The following GLT8D2 variants were observed in gnomAD, a reference collection of about 807,000 sequenced individuals.
The protein encoded by GLT8D2 is glycosyltransferase 8 domain containing 2.
GLT8D2 carries 45 observed loss-of-function variants against 44.5 expected under a neutral mutation model. The observed-to-expected ratio is 1.01, with a 90% confidence interval of 0.80 to 1.30. The LOEUF (loss-of-function observed/expected upper bound fraction) is 1.30. GLT8D2 is among the 50% of genes most tolerant of loss of function. The pLI is 0.00. For missense variants in GLT8D2, 400 were observed against 430.4 expected (o/e 0.93, Z 0.62); for synonymous variants, 156 against 157.2 (o/e 0.99, Z 0.06).
At chr12:104,027,585 T>C (rs948102277) in intron 1 of GLT8D2, among the ~76,000 whole-genome samples, 1 of 152,250 alleles carries the variant, frequency 6.6e-6, no homozygotes, top group Non-Finnish European at 1.5e-5. Flanking sequence ...TGTGTGAATA[T>C]GGGGAGCAGT....
rs145750852 is a variant in GLT8D2 at position 104,011,897 on chromosome 12, C to T, written c.112+3116G>A. Among the ~76,000 whole-genome samples the T allele has an allele frequency of 7.4e-4, 112 of 151,978 alleles. 1 individual carries two copies. The East Asian group carries it at 0.019, about 25-fold the overall frequency. On this transcript the variant is annotated intron_variant, in intron 4 of 10. Transcript: ENST00000360814. ...CTAAAGAATATATACCTGGGCCGGG[C>T]GCAGTGGCTCACATCTGTAATCCCA...
upstream of GLT8D2, among the ~76,000 whole-genome samples, chr12:104,052,423 G>C (rs1054126026): frequency 1.3e-5 from 2 of 152,178 alleles, no homozygotes; most frequent in South Asian, 2.1e-4. Flanking sequence ...CTGAGGCTTT[G>C]AGCAAATTAA....
At chr12:104,028,258 A>G (rs1282663083) in intron 1 of GLT8D2, among the ~76,000 whole-genome samples, 3 of 152,158 alleles carry the variant, frequency 2.0e-5, no homozygotes, top group Non-Finnish European at 2.9e-5. Context: ...GTTTCAACAG[A>G]AAGTTTGCTT....
At chr12:103,991,163 C>T (rs761555899) in intron 10 of GLT8D2, among the ~76,000 whole-genome samples, 1 of 152,158 alleles carries the variant, frequency 6.6e-6, no homozygotes, top group Non-Finnish European at 1.5e-5. Context: ...TATGTCCCTT[C>T]CTACTTGTCA....
At chr12:104,017,317 T>C (rs1190498387) in intron 3 of GLT8D2, among the ~76,000 whole-genome samples, 1 of 152,166 alleles carries the variant, frequency 6.6e-6, no homozygotes, top group African/African-American at 2.4e-5. Context: ...TTAAAATTAG[T>C]CAAAGAAAAC....
chr12:104,006,168 G>A (rs1254802279), intron 4 of GLT8D2, among the ~76,000 whole-genome samples: 3 of 149,870 alleles, frequency 2.0e-5, no homozygotes, highest in Non-Finnish European at 4.4e-5. Flanking sequence ...TCATTCATAG[G>A]TGGGAATTGA....
chr12:104,049,183 A>AT (rs11395447), intron 1 of GLT8D2, among the ~76,000 whole-genome samples: 47,445 of 150,086 alleles, frequency 0.32, 7,632 homozygotes, highest in Admixed American at 0.37. Context: ...GAGAGGACTG[A>AT]TTTTTTTTTT....
At chr12:104,036,278 T>A (rs1879918277) in intron 1 of GLT8D2, among the ~76,000 whole-genome samples, 1 of 152,164 alleles carries the variant, frequency 6.6e-6, no homozygotes, top group African/African-American at 2.4e-5. Flanking sequence ...CCAACTAACA[T>A]CATAATGACA....
At chr12:103,998,372 A>G (rs191312933) in intron 6 of GLT8D2, among the ~76,000 whole-genome samples, 1 of 151,884 alleles carries the variant, frequency 6.6e-6, no homozygotes, top group Admixed American at 6.6e-5. Context: ...GTAGGTAGCT[A>G]GGACTACAGG....
upstream of GLT8D2, among the ~76,000 whole-genome samples, chr12:104,052,292 G>A (rs1881793071): frequency 6.6e-6 from 1 of 152,162 alleles, no homozygotes; most frequent in African/African-American, 2.4e-5. Context: ...TATCTTCCAT[G>A]TATATAGAAC....
intron 1 of GLT8D2, among the ~76,000 whole-genome samples, chr12:104,032,982 C>A (rs563557091): frequency 5.3e-5 from 8 of 151,528 alleles, no homozygotes; most frequent in Admixed American, 5.3e-4. Flanking sequence ...GGGGTTCAAG[C>A]GATTCTCCTG....
intron 7 of GLT8D2, among the ~76,000 whole-genome samples, 187 bp downstream of exon 7, chr12:103,997,264 T>C (rs1030622780): frequency 4.6e-5 from 7 of 152,234 alleles, no homozygotes; most frequent in African/African-American, 1.7e-4. Flanking sequence ...GAGTGTCAAC[T>C]GGATTGTCTC....
chr12:104,062,518 A>T (rs957524883), intron 1 of GLT8D2, among the ~76,000 whole-genome samples: 1 of 152,218 alleles, frequency 6.6e-6, no homozygotes, highest in African/African-American at 2.4e-5. Flanking sequence ...AGAGGAAAAA[A>T]GAGTTTTAGG....
chr12:104,033,297 G>C (rs1879537680), intron 1 of GLT8D2, among the ~76,000 whole-genome samples: 1 of 152,128 alleles, frequency 6.6e-6, no homozygotes, highest in Admixed American at 6.6e-5. Flanking sequence ...ACATATATAT[G>C]CACAAAATAA....
At chr12:104,056,064 GC>G (rs1350666873) in intron 1 of GLT8D2, among the ~76,000 whole-genome samples, 5 of 152,198 alleles carry the variant, frequency 3.3e-5, no homozygotes, top group Non-Finnish European at 7.3e-5. Flanking sequence ...TCTCCCGCAT[GC>G]GGTAACTGTT....
chr12:104,021,908 A>G (rs995782569), intron 1 of GLT8D2, among the ~76,000 whole-genome samples: 25 of 14,834 alleles, frequency 1.7e-3, no homozygotes, highest in South Asian at 0.012. Context: ...AAGAAGAAGA[A>G]GAAGAAGAAG....
intron 5 of GLT8D2, among the ~76,000 whole-genome samples, chr12:104,001,205 T>C (rs1874171468): frequency 6.6e-6 from 1 of 152,270 alleles, no homozygotes; most frequent in Non-Finnish European, 1.5e-5. Flanking sequence ...ATCTCCTATG[T>C]CTGCTTAGAC....
In GLT8D2 at chr12:104,057,122, T is replaced by C. The variant is rs118133933; in HGVS notation, c.-423+6827A>G. On this transcript the variant is annotated intron_variant, in intron 1 of 10. Coordinates refer to the GLT8D2 transcript ENST00000548660. ...GTAAAGGTAAACTTATGAACACAAA[T>C]AAGGAAGGAAGTTGTAAGGAAAAGG... 5.4e-3 allele frequency among the ~76,000 whole-genome samples: 823 copies of C among 152,092 alleles called. 3 individuals carry two copies. The highest frequency in any genetic ancestry group is 9.6e-3 in the Non-Finnish European group (651 of 67,992).
intron 1 of GLT8D2, among the ~76,000 whole-genome samples, chr12:104,059,665 G>GACACTGGGGGTC (rs11272249): frequency 2.6e-5 from 4 of 152,018 alleles, no homozygotes; most frequent in African/African-American, 7.3e-5. Context: ...AAGGAGAGCA[G>GACACTGGGGGTC]ATCTTGAAGG....
Sources: gnomAD v4.1 joint callset for allele counts (sites outside exome capture counted in the v4.1 genomes callset) on GRCh38, gnomAD v4.1.1 for gene constraint, MANE v1.5 for transcripts, NCBI Gene and HGNC (gene_info 2026-07-23, HGNC 2026-07-21) for gene names.